Variants in CSMD1 observed in about 807,000 individuals in gnomAD.
CSMD1 encodes CUB and Sushi multiple domains 1.
CSMD1 carries 213 observed loss-of-function variants against 417.5 expected under a neutral mutation model. That is an observed-to-expected ratio of 0.51 (90% CI 0.46 to 0.57). CSMD1 has a LOEUF of 0.57. Among genes scored for constraint, CSMD1 ranks in the 20% least tolerant of loss-of-function variants. The pLI is 0.00. For synonymous variants in CSMD1, 2,862 were observed against 1,736.8 expected (o/e 1.65, Z -16.11); for missense variants, 6,923 against 4,529.7 (o/e 1.53, Z -15.17).
rs1327397088 is a variant in CSMD1, at chr8:3,659,416, G to C, written c.1010-42619C>G. Among the ~76,000 whole-genome samples, 6 of 152,298 alleles carry C rather than the reference G, an allele frequency of 3.9e-5. No homozygotes were observed. The South Asian group carries it at 6.2e-4, about 16-fold the overall frequency. On this transcript the variant is annotated intron_variant, in intron 7 of 69. Transcript: ENST00000635120. ...CACAGGTAACGGGTCTCAGTGTTTAGAATCATTGTATAATTATCTGAGACA... is the reference window on the plus strand; with the variant it reads ...CACAGGTAACGGGTCTCAGTGTTTACAATCATTGTATAATTATCTGAGACA...
intron 62 of CSMD1, among the ~76,000 whole-genome samples, chr8:2,960,639 A>C (rs533315535): frequency 6.6e-6 from 1 of 152,284 alleles, no homozygotes; most frequent in Non-Finnish European, 1.5e-5. Flanking sequence ...ATTCATAGAA[A>C]TTTAAAGATC....
At chr8:3,675,096 T>C (rs563267265) in intron 7 of CSMD1, among the ~76,000 whole-genome samples, 1 of 152,202 alleles carries the variant, frequency 6.6e-6, no homozygotes, top group African/African-American at 2.4e-5. Context: ...AAACGCCATC[T>C]TGAAGAGATG....
intron 12 of CSMD1, among the ~76,000 whole-genome samples, chr8:3,451,196 T>C (rs1190374095): frequency 3.3e-5 from 5 of 152,212 alleles, no homozygotes; most frequent in Non-Finnish European, 7.3e-5. Flanking sequence ...TTTGAGTTCA[T>C]TGTAGATTCT....
chr8:3,240,538 G>C (rs184700912), intron 26 of CSMD1, among the ~76,000 whole-genome samples: 1 of 152,040 alleles, frequency 6.6e-6, no homozygotes, highest in Admixed American at 6.6e-5. Context: ...AGATGAGGAA[G>C]AAATTTGGGC....
intron 1 of CSMD1, among the ~76,000 whole-genome samples, chr8:4,665,497 C>T (rs1298199079): frequency 6.6e-6 from 1 of 152,208 alleles, no homozygotes; most frequent in Non-Finnish European, 1.5e-5. Flanking sequence ...ATAAGATCCT[C>T]TTGCTCCTCT....
At chr8:3,774,058 T>C (rs1482729533) in intron 5 of CSMD1, among the ~76,000 whole-genome samples, 1 of 152,172 alleles carries the variant, frequency 6.6e-6, no homozygotes, top group Non-Finnish European at 1.5e-5. Context: ...TTTGCTATTT[T>C]CCTAAAATAC....
At chr8:4,413,058 T>G (rs953722394) in intron 3 of CSMD1, among the ~76,000 whole-genome samples, 1 of 152,168 alleles carries the variant, frequency 6.6e-6, no homozygotes, top group Non-Finnish European at 1.5e-5. Context: ...CTTACAAAAT[T>G]ACGCATATAA....
At chr8:3,136,972 G>A (rs1037020604) in intron 41 of CSMD1, among the ~76,000 whole-genome samples, 3 of 151,924 alleles carry the variant, frequency 2.0e-5, no homozygotes, top group African/African-American at 7.3e-5. Flanking sequence ...TATTTTAATT[G>A]AGAGATAATA....
chr8:4,448,069 G>C lies in CSMD1; in HGVS notation c.303-28004C>G, dbSNP rs372874816. ...TCCTGGAATATCACCCCTAAGCTTA[G>C]CTGTCCAGTGGAAATTCTGTTCCCT... is the stretch of plus-strand genomic sequence containing the variant. On this transcript the variant is annotated intron_variant, in intron 2 of 69. Transcript: ENST00000635120. Among the ~76,000 whole-genome samples the C allele has an allele frequency of 1.6e-3, 245 of 152,264 alleles. 8 individuals are homozygous for C. The South Asian group carries it at 0.05, about 31-fold the overall frequency.
At chr8:3,863,046 C>A (rs1196015855) in intron 5 of CSMD1, among the ~76,000 whole-genome samples, 2 of 152,130 alleles carry the variant, frequency 1.3e-5, no homozygotes, top group Non-Finnish European at 2.9e-5. Flanking sequence ...AAAGACGGCA[C>A]CTCCCTGCAG....
At chr8:3,191,313 G>T (rs1011434776) in intron 33 of CSMD1, among the ~76,000 whole-genome samples, 45 of 152,030 alleles carry the variant, frequency 3.0e-4, no homozygotes, top group African/African-American at 9.4e-4. Flanking sequence ...AAAATTAGCC[G>T]GGCATGGTGG....
At chr8:4,284,149 C>T (rs1796934584) in intron 3 of CSMD1, among the ~76,000 whole-genome samples, 1 of 152,158 alleles carries the variant, frequency 6.6e-6, no homozygotes, top group South Asian at 2.1e-4. Context: ...GGGTGGATCA[C>T]CTGAGGTCAG....
At chr8:3,668,079 G>C (rs778602825) in intron 7 of CSMD1, among the ~76,000 whole-genome samples, 3 of 152,162 alleles carry the variant, frequency 2.0e-5, no homozygotes, top group Non-Finnish European at 2.9e-5. Context: ...ATCAGGTGCA[G>C]TCATTCTACC....
intron 26 of CSMD1, among the ~76,000 whole-genome samples, chr8:3,238,925 G>A (rs1799320683): frequency 6.6e-6 from 1 of 152,156 alleles, no homozygotes; most frequent in African/African-American, 2.4e-5. Context: ...AAGTAGTTGA[G>A]AATGGTGAAT....
chr8:3,582,220 G>C (rs900168871), intron 9 of CSMD1, among the ~76,000 whole-genome samples: 6 of 152,126 alleles, frequency 3.9e-5, no homozygotes, highest in Non-Finnish European at 8.8e-5. Context: ...GTTTTAGGTA[G>C]GATTTATCCA....
intron 54 of CSMD1, among the ~76,000 whole-genome samples, chr8:2,979,841 A>G (rs1192036046): frequency 6.6e-6 from 1 of 152,250 alleles, no homozygotes; most frequent in African/African-American, 2.4e-5. Context: ...CAAAACAAAC[A>G]AAAAGCCATG....
Position 3,668,810 on chromosome 8 carries a change from T to G in CSMD1, c.1009+39604A>C, listed in dbSNP as rs569309489. Among the ~76,000 whole-genome samples, 8 of 152,242 alleles carry G rather than the reference T, an allele frequency of 5.3e-5. No individual in the cohort carries two copies. The South Asian group carries it at 1.7e-3, about 32-fold the overall frequency. On this transcript the variant is annotated intron_variant, in intron 7 of 69. Transcript: ENST00000635120. ...TGGCTCATTTTGTTGCCTTAGACAA[T>G]TTGCTGTTAAGTAAAGTTATAGAAT... is the stretch of plus-strand genomic sequence containing the variant.
At chr8:4,061,864 T>C (rs1798989138) in intron 3 of CSMD1, among the ~76,000 whole-genome samples, 1 of 152,190 alleles carries the variant, frequency 6.6e-6, no homozygotes, top group Admixed American at 6.5e-5. Context: ...GGTCAGTCTT[T>C]CCATGACTTG....
chr8:4,313,681 G>C (rs13279582), intron 3 of CSMD1, among the ~76,000 whole-genome samples: 14,070 of 151,962 alleles, frequency 0.093, 865 homozygotes, highest in Non-Finnish European at 0.12. Context: ...CAGGAGCTCT[G>C]AAAGTTTCAG....
Sources: gnomAD v4.1 joint callset for allele counts (sites outside exome capture counted in the v4.1 genomes callset) on GRCh38, gnomAD v4.1.1 for gene constraint, MANE v1.5 for transcripts, NCBI Gene and HGNC (gene_info 2026-07-23, HGNC 2026-07-21) for gene names.